Variants in L3MBTL4 observed in about 807,000 individuals in gnomAD.
The protein encoded by L3MBTL4 is L3MBTL histone methyl-lysine binding protein 4.
In L3MBTL4, 70 loss-of-function variants were observed where a neutral mutation model predicts 84.5. The ratio of observed to expected loss-of-function variants is 0.83; its 90% CI spans 0.68 to 1.01. L3MBTL4 has a LOEUF of 1.01. Ranked by LOEUF, L3MBTL4 falls within the 50% of genes least tolerant of loss-of-function variation. The pLI is 0.00. For missense variants in L3MBTL4, 715 were observed against 754.8 expected, an observed-to-expected ratio of 0.95 and a Z score of 0.62; for synonymous variants, 274 against 259.8, an observed-to-expected ratio of 1.05 and a Z score of -0.52.
chr18:6,162,351 A>G (rs1263866080), intron 13 of L3MBTL4, among the ~76,000 whole-genome samples: 2 of 152,174 alleles, frequency 1.3e-5, no homozygotes, highest in Non-Finnish European at 2.9e-5. Flanking sequence ...AGTACCTAAC[A>G]CAATTGTTGA....
intron 16 of L3MBTL4, among the ~76,000 whole-genome samples, chr18:6,036,286 T>C (rs1396043669): frequency 6.6e-6 from 1 of 152,192 alleles, no homozygotes; most frequent in African/African-American, 2.4e-5. Flanking sequence ...CTCTCTTTCA[T>C]CCTCTGAAAT....
intron 16 of L3MBTL4, among the ~76,000 whole-genome samples, chr18:6,013,501 A>T (rs2054827461): frequency 6.6e-6 from 1 of 152,134 alleles, no homozygotes; most frequent in Admixed American, 6.5e-5. Flanking sequence ...ACACTCATAG[A>T]TTCCTGCTCA....
chr18:5,963,415 C>A (rs752792504), intron 17 of L3MBTL4, among the ~76,000 whole-genome samples: 6 of 152,110 alleles, frequency 3.9e-5, no homozygotes, highest in Admixed American at 3.9e-4. Context: ...TGTGTTAAAC[C>A]AAAGCGTCAA....
chr18:5,977,602 G>A (rs772917046), intron 16 of L3MBTL4, among the ~76,000 whole-genome samples: 41 of 152,224 alleles, frequency 2.7e-4, no homozygotes, highest in African/African-American at 5.5e-4. Flanking sequence ...AGAGCAGGAG[G>A]CAGTCACGAC....
chr18:6,217,394 T>C (rs2046370725), intron 10 of L3MBTL4, among the ~76,000 whole-genome samples: 1 of 152,206 alleles, frequency 6.6e-6, no homozygotes, highest in Non-Finnish European at 1.5e-5. Context: ...TGTGCTCCTT[T>C]GTGGTGAACA....
intron 13 of L3MBTL4, among the ~76,000 whole-genome samples, chr18:6,144,487 A>C (rs2042564480): frequency 6.6e-6 from 1 of 152,226 alleles, no homozygotes; most frequent in Non-Finnish European, 1.5e-5. Flanking sequence ...TATGCTTGTA[A>C]ACTAAGAATT....
intron 1 of L3MBTL4, among the ~76,000 whole-genome samples, chr18:6,386,696 T>C (rs1396591088): frequency 6.6e-6 from 1 of 152,104 alleles, no homozygotes; most frequent in African/African-American, 2.4e-5. Context: ...AGTCCTGAGA[T>C]GGCTGCTTAT....
chr18:6,075,024 A>C (rs1598653545), intron 16 of L3MBTL4, among the ~76,000 whole-genome samples: 1 of 152,150 alleles, frequency 6.6e-6, no homozygotes, highest in East Asian at 1.9e-4. Context: ...AAAAAACTAC[A>C]TCAAGCATCA....
chr18:6,125,510 C>T (rs9947536), intron 14 of L3MBTL4, among the ~76,000 whole-genome samples: 2,406 of 152,196 alleles, frequency 0.016, 69 homozygotes, highest in African/African-American at 0.056. Context: ...CTCACTGCAG[C>T]GTCAACCTCC....
At position 6,412,824 on chromosome 18, in the gene L3MBTL4, T is replaced by C. The variant is rs78440213; in HGVS notation, c.-91+1977A>G. On this transcript the variant is annotated intron_variant, in intron 1 of 18. Transcript: ENST00000317931. ...CCACACAGGTACTGTAATGAAGTTA[T>C]ACAGATGTTACAGAGCACCTAAGAT... Among the ~76,000 whole-genome samples, 677 of 152,174 alleles carry C rather than the reference T, an allele frequency of 4.4e-3. 3 individuals carry two copies. The highest frequency in any genetic ancestry group is 0.015 in the African/African-American group (632 of 41,488).
chr18:6,247,175 T>C (rs1054242154), intron 5 of L3MBTL4, among the ~76,000 whole-genome samples: 2 of 152,188 alleles, frequency 1.3e-5, no homozygotes, highest in Admixed American at 1.3e-4. Flanking sequence ...TCCCTAAGAA[T>C]AGAACATTCT....
chr18:6,021,816 C>T lies in L3MBTL4; in HGVS notation c.1445-52254G>A, dbSNP rs972768068. Among the ~76,000 whole-genome samples the T allele has an allele frequency of 6.6e-5, 10 of 152,250 alleles. No individual in the cohort carries two copies. In the South Asian group the frequency reaches 1.2e-3, roughly 19 times the overall value. ...CCTCCCTGCCAGCTCTTCCTGCCTC[C>T]CCTGCCTCTCTCCTCTCCAAGGCAC... On this transcript the variant is annotated intron_variant, in intron 16 of 18. Coordinates refer to ENST00000317931, the MANE Select transcript of L3MBTL4 (RefSeq NM_001330559.2).
At chr18:6,105,035 T>C (rs2058955827) in intron 14 of L3MBTL4, among the ~76,000 whole-genome samples, 1 of 152,070 alleles carries the variant, frequency 6.6e-6, no homozygotes, top group Admixed American at 6.6e-5. Flanking sequence ...TATTAAAAGA[T>C]TGGGGGCATT....
intron 16 of L3MBTL4, among the ~76,000 whole-genome samples, chr18:6,034,764 A>G (rs1280474464): frequency 6.6e-6 from 1 of 152,084 alleles, no homozygotes; most frequent in Admixed American, 6.5e-5. Flanking sequence ...AGTCCCACCA[A>G]CAGTGTAAAA....
chr18:6,187,698 A>G (rs999809061), intron 12 of L3MBTL4, among the ~76,000 whole-genome samples: 1 of 152,174 alleles, frequency 6.6e-6, no homozygotes, highest in African/African-American at 2.4e-5. Context: ...TTGACTTTCT[A>G]AAGAAAATAA....
intron 16 of L3MBTL4, chr18:6,031,258 C>A (rs1231044919): frequency 2.0e-6 from 2 of 985,278 alleles, no homozygotes; most frequent in African/African-American, 1.7e-5. Context: ...ATATCTTCTG[C>A]TAATAAGCAC....
At chr18:6,061,194 C>T (rs1055288478) in intron 16 of L3MBTL4, among the ~76,000 whole-genome samples, 11 of 152,012 alleles carry the variant, frequency 7.2e-5, no homozygotes, top group Admixed American at 5.9e-4. Flanking sequence ...TGATTTTAGC[C>T]CTTCTAGCAG....
In L3MBTL4 at chr18:6,168,250, C is replaced by T. The variant is rs571382540; in HGVS notation, c.1096+3578G>A. On this transcript the variant is annotated intron_variant, in intron 13 of 18. Coordinates refer to ENST00000317931, the MANE Select transcript of L3MBTL4 (RefSeq NM_001330559.2). ...CAATATCGTGAAAATGGCCATACTGCCCAAGGTAATTTACAGATTCAATGC... is the reference window on the plus strand; with the variant it reads ...CAATATCGTGAAAATGGCCATACTGTCCAAGGTAATTTACAGATTCAATGC... Among the ~76,000 whole-genome samples, 54 of 152,044 alleles carry T rather than the reference C, an allele frequency of 3.6e-4. 1 individual carries two copies. Among genetic ancestry groups the T allele is most frequent in the Non-Finnish European group, 6.8e-4 (46 of 68,020 alleles).
intron 14 of L3MBTL4, among the ~76,000 whole-genome samples, chr18:6,096,656 T>C (rs2058654389): frequency 6.6e-6 from 1 of 152,168 alleles, no homozygotes; most frequent in Non-Finnish European, 1.5e-5. Flanking sequence ...TATAAATCTA[T>C]TCACATTGAA....
Sources: gnomAD v4.1 joint callset for allele counts (sites outside exome capture counted in the v4.1 genomes callset) on GRCh38, gnomAD v4.1.1 for gene constraint, MANE v1.5 for transcripts, NCBI Gene and HGNC (gene_info 2026-07-23, HGNC 2026-07-21) for gene names.